Variants in POTEF observed in about 807,000 individuals in gnomAD.
POTEF encodes the protein ANKRD26-like family C member 1B.
POTEF carries 20 observed loss-of-function variants against 83.2 expected under a neutral mutation model. The observed-to-expected ratio is 0.24, with a 90% CI of 0.17 to 0.35. The LOEUF is 0.35. Ranked by LOEUF, POTEF falls within the 10% of genes least tolerant of loss-of-function variation. The pLI is 1.00. For synonymous variants in POTEF, 196 were observed against 446.4 expected (o/e 0.44, Z 7.07); for missense variants, 550 against 1,203.2 (o/e 0.46, Z 8.03).
chr2:130,075,069 G>A lies in POTEF; in HGVS notation c.2403C>T (p.His801=), dbSNP rs1456596968. 5 of 1,613,836 alleles carry A rather than the reference G, an allele frequency of 3.1e-6. No homozygotes were observed. Among genetic ancestry groups the A allele is most frequent in the Non-Finnish European group, 4.2e-6 (5 of 1,179,960 alleles). Residue 801 remains histidine (H), a synonymous_variant, in exon 17 of 17, where the codon CAC becomes CAT. Transcript: ENST00000409914. ...GGGTGGCCTCGGTCAGCAGGACGGG[G>A]TGCTCCTCGGGAGCCACACGCAGCT... ...YNELRVAPEE[H]PVLLTEATLN...
chr2:130,120,544 A>G lies in POTEF; in HGVS notation c.-29T>C, dbSNP rs1198197321. ...CTTTTAACAGCCAGGAGAAGCCAGT[A>G]GTAGCCAACAGATCGCGTCTACCAA... On this transcript the variant is annotated 5_prime_UTR_variant, in exon 3 of 17. Coordinates refer to ENST00000409914, the MANE Select transcript of POTEF (RefSeq NM_001099771.2). The G allele has an allele frequency of 6.2e-7, 1 of 1,611,078 alleles. No individual in the cohort carries two copies. The highest frequency in any genetic ancestry group is 1.7e-5 in the Admixed American group (1 of 59,966).
Position 130,120,591 on chromosome 2 carries a change from T to A in POTEF, c.-76A>T. 1.3e-6 allele frequency: 2 copies of A among 1,599,968 alleles called. No homozygotes were observed. Among genetic ancestry groups the A allele is most frequent in the Non-Finnish European group, 8.5e-7 (1 of 1,172,988 alleles). On this transcript the variant is annotated 5_prime_UTR_variant, in exon 3 of 17. Transcript: ENST00000409914. Reference sequence around the variant, plus strand: ...CCAACCAGTTTCACCAACTAGCAGGTAACTCCGGGTTTCCAATCTGTTTGA... The same window carrying A: ...CCAACCAGTTTCACCAACTAGCAGGAAACTCCGGGTTTCCAATCTGTTTGA...
chr2:130,127,564 A>T (rs1685127384), intron 2 of POTEF, 145 bp downstream of exon 2: 2 of 151,634 alleles, frequency 1.3e-5, no homozygotes, highest in South Asian at 4.2e-4. Flanking sequence ...TGGGCCCTGC[A>T]GTGCTCCTAC....
At chr2:130,128,675 G>A (rs1277923567) in intron 1 of POTEF, among the ~76,000 whole-genome samples, 5 of 151,706 alleles carry the variant, frequency 3.3e-5, no homozygotes, top group African/African-American at 4.9e-5. Context: ...CACAGGTAGC[G>A]CAGCTCCTGA....
In POTEF at chr2:130,115,021, T is replaced by A; in HGVS notation, c.670A>T (p.Met224Leu). The A allele has an allele frequency of 6.4e-7, 1 of 1,555,792 alleles. No individual in the cohort carries two copies. Among genetic ancestry groups the A allele is most frequent in the South Asian group, 1.2e-5 (1 of 81,952 alleles). The change falls in exon 5 of 17, where the codon ATG becomes TTG. Residue 224 changes from methionine (M) to leucine (L), a missense_variant. By Grantham distance (15) the Met-to-Leu change is conservative (BLOSUM62 2). Coordinates refer to ENST00000409914, the MANE Select transcript of POTEF (RefSeq NM_001099771.2). ...VQCQEDECAL[M>L]LLEHGTDPNI... ...GGATCAGTGCCATGTTCCAGCAACA[T>A]TAACGCACATTCATCTTCCTGGCAT... is the stretch of plus-strand genomic sequence containing the variant.
intron 3 of POTEF, among the ~76,000 whole-genome samples, chr2:130,118,216 A>C (rs185166978): frequency 2.0e-5 from 3 of 151,616 alleles, no homozygotes; most frequent in African/African-American, 4.9e-5. Flanking sequence ...CTGGGGTAAC[A>C]GGCGTAAGCC....
At chr2:130,103,851 A>G (rs1684440277) in intron 8 of POTEF, among the ~76,000 whole-genome samples, 1 of 140,076 alleles carries the variant, frequency 7.1e-6, no homozygotes, top group Non-Finnish European at 1.5e-5. Flanking sequence ...ATTTGCCTAC[A>G]ATAGGAGGAT....
chr2:130,075,142 G>C lies in POTEF; in HGVS notation c.2330C>G (p.Thr777Ser), dbSNP rs557527471. The C allele has an allele frequency of 2.5e-6, 4 of 1,613,570 alleles. No individual in the cohort carries two copies. In the South Asian group the frequency reaches 4.4e-5, roughly 18 times the overall value. Reference sequence around the variant, plus strand: ...GATCTTCTCCATGTCATCCCAGTTGGTGATGATGCCGTGTTCCATGGGGTA... The same window carrying C: ...GATCTTCTCCATGTCATCCCAGTTGCTGATGATGCCGTGTTCCATGGGGTA... ...LKYPMEHGII[T>S]NWDDMEKIWH... The change falls in exon 17 of 17, where the codon ACC (threonine) becomes AGC (serine). Residue 777 changes from threonine (T) to serine (S), a missense_variant. Transcript: ENST00000409914.
chr2:130,107,428 T>C (rs1306237814), intron 8 of POTEF, among the ~76,000 whole-genome samples: 1 of 151,062 alleles, frequency 6.6e-6, no homozygotes, highest in South Asian at 2.1e-4. Flanking sequence ...TTTACTTTTT[T>C]ATCTATGGTA....
intron 15 of POTEF, among the ~76,000 whole-genome samples, chr2:130,083,279 G>A (rs1293352536): frequency 6.6e-6 from 1 of 151,982 alleles, no homozygotes; most frequent in African/African-American, 2.4e-5. Flanking sequence ...AGGTTGCAAT[G>A]AGCCAAGATC....
Position 130,120,012 on chromosome 2 carries a change from C to T in POTEF, c.504G>A (p.Lys168=). 3.4e-6 allele frequency: 4 copies of T among 1,181,568 alleles called. 1 individual carries two copies. Among genetic ancestry groups the T allele is most frequent in the Non-Finnish European group, 4.7e-6 (4 of 852,790 alleles). The allele number at this position is 1,181,568 out of a possible 1,614,324, so 73.2% of individuals were successfully genotyped here. Residue 168 remains lysine, a synonymous_variant, in exon 3 of 17, where the codon AAG becomes AAA. Transcript: ENST00000409914. ...CTGGTTACCTCTTTTGCTTGTCCTGCTTGTTCACGTCAGTGTCCCTGAGCA... is the reference window on the plus strand; with the variant it reads ...CTGGTTACCTCTTTTGCTTGTCCTGTTTGTTCACGTCAGTGTCCCTGAGCA... ...IVMLRDTDVN[K]QDKQKRTALH...
intron 6 of POTEF, 111 bp from the exon 7 acceptor site, chr2:130,110,791 C>G (rs1169075361): frequency 2.2e-6 from 2 of 927,524 alleles, no homozygotes; most frequent in Non-Finnish European, 1.4e-6. Flanking sequence ...TTTACATGCA[C>G]TAAAAGACAT....
chr2:130,075,290 G>A lies in POTEF; in HGVS notation c.2182C>T (p.Arg728Trp), dbSNP rs549245280. 2.9e-5 allele frequency: 46 copies of A among 1,612,476 alleles called. No individual in the cohort carries two copies. The highest frequency in any genetic ancestry group is 1.3e-4 in the South Asian group (12 of 91,014). ...KAGFAGDDAPRAVFPSIVGRP... is the reference protein window; with the variant it reads ...KAGFAGDDAPWAVFPSIVGRP... The stretch of plus-strand genomic sequence containing the variant: ...CCCACGATGGAAGGGAAGACAGCCC[G>A]GGGGGCATCGTCGCCCGCAAAGCCG... Residue 728 changes from arginine (R) to tryptophan (W), a missense_variant, in exon 17 of 17, where the codon CGG (arginine) becomes TGG (tryptophan). Arg to Trp is a moderately radical substitution (Grantham distance 101, BLOSUM62 -3). Transcript: ENST00000409914.
At position 130,122,633 on chromosome 2, in the gene POTEF, T is replaced by C. The variant is rs1250634391; in HGVS notation, c.-93-2025A>G. On this transcript the variant is annotated intron_variant, in intron 2 of 16. Coordinates refer to ENST00000409914, the MANE Select transcript of POTEF (RefSeq NM_001099771.2). ...AATCTGTAGAATGCTTTGAGTAGCA[T>C]TGAAATTTTGACAATATTAATTTTT... Among the ~76,000 whole-genome samples, 6 of 151,314 alleles carry C rather than the reference T, an allele frequency of 4.0e-5. No individual in the cohort carries two copies. The East Asian group carries it at 5.8e-4, about 15-fold the overall frequency.
rs1195154745 is a variant in POTEF at position 130,114,879 on chromosome 2, A to C, written c.810+2T>G. Reference sequence around the variant, plus strand: ...TTGAAGATAAAATTGGTAGATCTATACCTTGTTTTTTGATTCGATATCAGC... The same window carrying C: ...TTGAAGATAAAATTGGTAGATCTATCCCTTGTTTTTTGATTCGATATCAGC... On this transcript the variant is annotated splice_donor_variant, in intron 5 of 16. Coordinates refer to ENST00000409914, the MANE Select transcript of POTEF (RefSeq NM_001099771.2). LOFTEE classifies it high-confidence loss of function. The C allele has an allele frequency of 7.7e-7, 1 of 1,303,624 alleles. No individual in the cohort carries two copies. Among genetic ancestry groups the C allele is most frequent in the East Asian group, 2.5e-5 (1 of 39,800 alleles). 80.8% of individuals were successfully genotyped at this position (1,303,624 alleles called of 1,614,324 possible).
rs148234013 is a variant in POTEF at position 130,105,260 on chromosome 2, A to T, written c.1126+2749T>A. 2.7e-5 allele frequency among the ~76,000 whole-genome samples: 4 copies of T among 146,514 alleles called. No individual in the cohort carries two copies. The South Asian group carries it at 6.4e-4, about 23-fold the overall frequency. The stretch of plus-strand genomic sequence containing the variant: ...CAACTATTAATGTTATTTCTTACAT[A>T]AAAAAAATTAAGCAAAACAAATGAA... On this transcript the variant is annotated intron_variant, in intron 8 of 16. Transcript: ENST00000409914.
intron 2 of POTEF, among the ~76,000 whole-genome samples, chr2:130,127,078 T>TG (rs1363353553): frequency 6.6e-6 from 1 of 151,716 alleles, no homozygotes; most frequent in Admixed American, 6.6e-5. Flanking sequence ...TCCTAGCACT[T>TG]TGGGAGGCCA....
At chr2:130,116,573 A>G (rs1031334834) in intron 3 of POTEF, among the ~76,000 whole-genome samples, 5 of 128,998 alleles carry the variant, frequency 3.9e-5, no homozygotes, top group Non-Finnish European at 4.8e-5. Context: ...CTCACCATTT[A>G]GCTCCCACCT....
intron 12 of POTEF, among the ~76,000 whole-genome samples, chr2:130,093,102 T>C (rs923486493): frequency 6.9e-6 from 1 of 144,966 alleles, no homozygotes; most frequent in Admixed American, 6.8e-5. Context: ...ACTGCCCATC[T>C]GAGGGATCTA....
Sources: gnomAD v4.1 joint callset for allele counts (sites outside exome capture counted in the v4.1 genomes callset) on GRCh38, gnomAD v4.1.1 for gene constraint, MANE v1.5 for transcripts, NCBI Gene and HGNC (gene_info 2026-07-23, HGNC 2026-07-21) for gene names.